Variants in SLC4A10 observed in about 807,000 individuals in gnomAD.
SLC4A10 encodes the protein sodium-driven chloride bicarbonate exchanger.
A neutral mutation model predicts 137.7 loss-of-function variants in SLC4A10; 42 were observed. The ratio of observed to expected loss-of-function variants is 0.30; its 90% CI spans 0.24 to 0.39. The LOEUF (loss-of-function observed/expected upper bound fraction) is 0.39, where lower values mean the gene tolerates loss of function less well. Ranked by LOEUF, SLC4A10 falls within the 10% of genes least tolerant of loss-of-function variation. SLC4A10 has a pLI of 1.00. For synonymous variants in SLC4A10, 474 were observed against 464.1 expected (o/e 1.02, Z -0.27); for missense variants, 925 against 1,355.0 (o/e 0.68, Z 4.98).
intron 15 of SLC4A10, among the ~76,000 whole-genome samples, chr2:161,929,888 T>A (rs1386904232): frequency 6.6e-6 from 1 of 152,292 alleles, no homozygotes; most frequent in Middle Eastern, 3.4e-3. Context: ...GGTTTTTAAT[T>A]TTTTTATTTC....
intron 23 of SLC4A10, among the ~76,000 whole-genome samples, chr2:161,966,436 A>C (rs1486915225): frequency 6.6e-6 from 1 of 152,120 alleles, no homozygotes; most frequent in Non-Finnish European, 1.5e-5. Context: ...ATTTTTATTT[A>C]AATATTAGTG....
chr2:161,936,401 C>A (rs562906588), intron 15 of SLC4A10, among the ~76,000 whole-genome samples: 24 of 152,194 alleles, frequency 1.6e-4, no homozygotes, highest in Non-Finnish European at 3.2e-4. Flanking sequence ...AGCACTGAAG[C>A]CATCAGGTCG....
intron 19 of SLC4A10, among the ~76,000 whole-genome samples, chr2:161,952,524 A>G (rs1391538064): frequency 6.6e-6 from 1 of 152,202 alleles, no homozygotes. Context: ...AATCTGTTTT[A>G]TTGTGCAAAT....
chr2:161,908,995 G>C (rs1685148723), intron 15 of SLC4A10, among the ~76,000 whole-genome samples: 1 of 147,382 alleles, frequency 6.8e-6, no homozygotes, highest in Non-Finnish European at 1.5e-5. Context: ...CTGTCATGGT[G>C]ATCAAAAGAG....
At chr2:161,712,390 T>G (rs546036886) in intron 1 of SLC4A10, among the ~76,000 whole-genome samples, 2 of 150,560 alleles carry the variant, frequency 1.3e-5, no homozygotes, top group East Asian at 3.9e-4. Context: ...AATTAAGGGG[T>G]AAAAAAAAGC....
At chr2:161,815,922 A>T (rs1352074512) in intron 3 of SLC4A10, among the ~76,000 whole-genome samples, 2 of 152,102 alleles carry the variant, frequency 1.3e-5, no homozygotes, top group Non-Finnish European at 2.9e-5. Context: ...CTTCAGTGAC[A>T]TTTAGACCTA....
chr2:161,817,959 G>T (rs1414700650), intron 3 of SLC4A10, among the ~76,000 whole-genome samples: 1 of 151,484 alleles, frequency 6.6e-6, no homozygotes, highest in Non-Finnish European at 1.5e-5. Context: ...ACTTGGTGAT[G>T]TGGGTTCTTT....
intron 1 of SLC4A10, among the ~76,000 whole-genome samples, chr2:161,768,023 A>T (rs186932860): frequency 2.1e-3 from 323 of 152,072 alleles, no homozygotes; most frequent in Non-Finnish European, 3.4e-3. Context: ...GCTAGGGGGA[A>T]TTTTTATTTA....
At chr2:161,973,151 C>T (rs1455202771) in intron 23 of SLC4A10, among the ~76,000 whole-genome samples, 1 of 152,124 alleles carries the variant, frequency 6.6e-6, no homozygotes, top group Non-Finnish European at 1.5e-5. Flanking sequence ...TTTTTTCTTT[C>T]ATCAGTTTCC....
chr2:161,829,507 C>T (rs954159964), intron 3 of SLC4A10, among the ~76,000 whole-genome samples: 15 of 152,018 alleles, frequency 9.9e-5, no homozygotes, highest in African/African-American at 3.4e-4. Context: ...ACCCTCTTGG[C>T]TAATAAGATA....
At chr2:161,713,863 G>C (rs1379460515) in intron 1 of SLC4A10, among the ~76,000 whole-genome samples, 2 of 151,868 alleles carry the variant, frequency 1.3e-5, no homozygotes, top group Non-Finnish European at 2.9e-5. Context: ...CATGAGGTTA[G>C]TAAAAAAGCT....
chr2:161,775,788 A>T (rs1412381876), intron 2 of SLC4A10, among the ~76,000 whole-genome samples: 6 of 151,690 alleles, frequency 4.0e-5, no homozygotes, highest in African/African-American at 1.2e-4. Flanking sequence ...AATTTAATGG[A>T]TATTTTTTTT....
chr2:161,954,774 A>G (rs1001559548), intron 19 of SLC4A10, among the ~76,000 whole-genome samples: 1 of 152,140 alleles, frequency 6.6e-6, no homozygotes, highest in Non-Finnish European at 1.5e-5. Flanking sequence ...AGCTTTATAA[A>G]TTTAGAAAAG....
At chr2:161,851,081 G>T (rs923498889) in intron 4 of SLC4A10, among the ~76,000 whole-genome samples, 5 of 152,054 alleles carry the variant, frequency 3.3e-5, no homozygotes, top group Non-Finnish European at 5.9e-5. Flanking sequence ...AGCATGTTTG[G>T]TATGATTTTG....
intron 4 of SLC4A10, among the ~76,000 whole-genome samples, chr2:161,847,232 G>A (rs570068496): frequency 4.6e-5 from 7 of 151,916 alleles, no homozygotes; most frequent in African/African-American, 9.7e-5. Context: ...GACAGAGTGA[G>A]ACTATGTCTC....
chr2:161,871,397 A>G (rs1201100292), intron 6 of SLC4A10, among the ~76,000 whole-genome samples: 2 of 2,334 alleles, frequency 8.6e-4, no homozygotes, highest in Non-Finnish European at 0.014. Flanking sequence ...TATTCATTTC[A>G]CAGAAAAAAA....
intron 15 of SLC4A10, among the ~76,000 whole-genome samples, chr2:161,923,569 C>T (rs6715491): frequency 0.52 from 78,514 of 151,586 alleles, 21,037 homozygotes; most frequent in East Asian, 0.85. Flanking sequence ...CAAACTATCG[C>T]GAGGACAAAA....
chr2:161,850,120 C>T (rs897962479), intron 4 of SLC4A10, among the ~76,000 whole-genome samples: 4 of 151,990 alleles, frequency 2.6e-5, no homozygotes, highest in Non-Finnish European at 4.4e-5. Context: ...GCCAGGTACA[C>T]GGCTCACACC....
intron 1 of SLC4A10, among the ~76,000 whole-genome samples, chr2:161,632,922 C>T (rs1370553874): frequency 6.6e-6 from 1 of 151,548 alleles, no homozygotes; most frequent in African/African-American, 2.4e-5. Context: ...AACAATAAAT[C>T]ATAATGGGCT....
Sources: allele counts gnomAD v4.1 joint callset (sites outside exome capture counted in the v4.1 genomes callset), GRCh38; gene constraint gnomAD v4.1.1; transcripts MANE v1.5; gene names NCBI Gene and HGNC (gene_info 2026-07-23, HGNC 2026-07-21).